Variants in FTO observed in about 807,000 individuals in gnomAD.
The protein encoded by FTO is alpha-ketoglutarate-dependent dioxygenase FTO.
Under a neutral mutation model 63.9 loss-of-function variants are expected in FTO, and 47 were observed. That is an observed-to-expected ratio of 0.74 (90% confidence interval 0.58 to 0.94). The LOEUF (loss-of-function observed/expected upper bound fraction) is 0.94, where lower values mean the gene tolerates loss of function less well. FTO is among the 40% of genes least tolerant of loss of function. FTO has a pLI of 0.00. For synonymous variants in FTO, 207 were observed against 224.4 expected (o/e 0.92, Z 0.69); for missense variants, 562 against 618.1 (o/e 0.91, Z 0.96).
At chr16:53,879,781 G>A in intron 5 of FTO, 63 bp from the exon 6 acceptor site, 1 of 1,592,644 alleles carries the variant, frequency 6.3e-7, no homozygotes, top group Non-Finnish European at 8.6e-7. Context: ...ACAATCCTAG[G>A]AAGGATGGTA....
intron 8 of FTO, among the ~76,000 whole-genome samples, chr16:54,051,469 C>G (rs2085310761): frequency 6.6e-6 from 1 of 152,216 alleles, no homozygotes; most frequent in South Asian, 2.1e-4. Context: ...CCTGGCTGGG[C>G]CTGAGCCAGG....
chr16:53,775,923 A>G (rs1465101629), intron 1 of FTO, among the ~76,000 whole-genome samples: 1 of 151,570 alleles, frequency 6.6e-6, no homozygotes, highest in African/African-American at 2.4e-5. Context: ...ATGACTATAT[A>G]CTCTCCGCTC....
At chr16:53,812,052 A>G (rs1290285920) in intron 2 of FTO, among the ~76,000 whole-genome samples, 1 of 151,894 alleles carries the variant, frequency 6.6e-6, no homozygotes, top group African/African-American at 2.4e-5. Flanking sequence ...AGCTCAAGCG[A>G]TCCACACACC....
At chr16:54,096,358 G>A (rs1231976637) in intron 8 of FTO, among the ~76,000 whole-genome samples, 1 of 152,190 alleles carries the variant, frequency 6.6e-6, no homozygotes, top group Non-Finnish European at 1.5e-5. Flanking sequence ...GAGTTCAGGG[G>A]CTTGTTAACA....
chr16:53,899,160 A>T (rs2081343707), intron 7 of FTO, among the ~76,000 whole-genome samples: 1 of 152,186 alleles, frequency 6.6e-6, no homozygotes, highest in Non-Finnish European at 1.5e-5. Flanking sequence ...GTCTTGTTTT[A>T]TGCCTCTGGC....
chr16:53,737,383 A>G (rs1259470603), intron 1 of FTO, among the ~76,000 whole-genome samples: 1 of 152,218 alleles, frequency 6.6e-6, no homozygotes, highest in Non-Finnish European at 1.5e-5. Flanking sequence ...AAACCTAGAT[A>G]TGGTATAGCC....
chr16:53,850,336 AT>A (rs112564916), intron 4 of FTO, among the ~76,000 whole-genome samples: 101 of 147,302 alleles, frequency 6.9e-4, no homozygotes, highest in Admixed American at 6.7e-4. Context: ...CTTGTGTTCA[AT>A]TTTTTTTTTT....
intron 4 of FTO, among the ~76,000 whole-genome samples, chr16:53,866,326 C>T (rs1001891549): frequency 6.6e-6 from 1 of 152,064 alleles, no homozygotes; most frequent in Admixed American, 6.6e-5. Flanking sequence ...TGCATCTATG[C>T]TTATGAGAGA....
At chr16:53,716,943 A>G (rs1330825369) in intron 1 of FTO, among the ~76,000 whole-genome samples, 3 of 150,994 alleles carry the variant, frequency 2.0e-5, no homozygotes, top group Admixed American at 6.6e-5. Flanking sequence ...CTATATTTAT[A>G]TAAGATATAT....
chr16:54,016,870 A>G (rs1350758109), intron 8 of FTO, among the ~76,000 whole-genome samples: 2 of 152,198 alleles, frequency 1.3e-5, no homozygotes, highest in Middle Eastern at 3.2e-3. Flanking sequence ...TACAACATCC[A>G]GAATTGAAGA....
intron 7 of FTO, among the ~76,000 whole-genome samples, chr16:53,903,324 T>A (rs1305508199): frequency 6.6e-6 from 1 of 151,034 alleles, no homozygotes; most frequent in African/African-American, 2.4e-5. Context: ...AATGGTGCAA[T>A]CTAGGCTCAT....
chr16:53,944,490 T>A (rs186578279), intron 8 of FTO, among the ~76,000 whole-genome samples: 28 of 152,358 alleles, frequency 1.8e-4, no homozygotes, highest in Non-Finnish European at 2.9e-5. Flanking sequence ...CTACCTTCTT[T>A]CCATTGTATA....
chr16:53,787,174 G>A (rs1462739198), intron 1 of FTO, among the ~76,000 whole-genome samples: 2 of 139,240 alleles, frequency 1.4e-5, no homozygotes, highest in African/African-American at 5.5e-5. Context: ...TAAAGAGAGC[G>A]CATACACCTT....
intron 1 of FTO, among the ~76,000 whole-genome samples, chr16:53,704,708 T>G (rs1209801294): frequency 1.3e-5 from 2 of 152,202 alleles, no homozygotes; most frequent in Non-Finnish European, 2.9e-5. Flanking sequence ...TTTAACTACA[T>G]TGCTCCTCTC....
intron 4 of FTO, among the ~76,000 whole-genome samples, chr16:53,854,323 C>T (rs9940434): frequency 0.027 from 4,071 of 151,990 alleles, 182 homozygotes; most frequent in African/African-American, 0.093. Flanking sequence ...AAGTAGGTCC[C>T]GTTTATTTAT....
chr16:53,945,228 C>T (rs1450499056), intron 8 of FTO, among the ~76,000 whole-genome samples: 2 of 152,160 alleles, frequency 1.3e-5, no homozygotes, highest in African/African-American at 4.8e-5. Context: ...ATGGGTTTCA[C>T]TCCTCTACTT....
At chr16:53,984,793 T>A in intron 8 of FTO, 1 of 368,562 alleles carries the variant, frequency 2.7e-6, no homozygotes, top group Admixed American at 3.4e-5. Context: ...CTTGACTAAG[T>A]CAGTGATATT....
chr16:54,012,474 A>C (rs569830948), intron 8 of FTO, among the ~76,000 whole-genome samples: 1 of 152,322 alleles, frequency 6.6e-6, no homozygotes, highest in East Asian at 1.9e-4. Flanking sequence ...TATCCAGAAG[A>C]TCTAGCTAAG....
At chr16:53,964,647 A>G (rs1044664834) in intron 8 of FTO, among the ~76,000 whole-genome samples, 8 of 152,296 alleles carry the variant, frequency 5.3e-5, no homozygotes, top group African/African-American at 1.7e-4. Context: ...TTTATCCCCA[A>G]AAGATGTTTG....
Sources: gnomAD v4.1 joint callset for allele counts (sites outside exome capture counted in the v4.1 genomes callset) on GRCh38, gnomAD v4.1.1 for gene constraint, MANE v1.5 for transcripts, NCBI Gene and HGNC (gene_info 2026-07-23, HGNC 2026-07-21) for gene names.